ARHGAP15: variants seen among roughly 807,000 people sequenced by gnomAD.
ARHGAP15 encodes the protein Rho GTPase activating protein 15, also known as rho GTPase-activating protein 15.
A neutral mutation model predicts 63.7 loss-of-function variants in ARHGAP15; 51 were observed. That is an observed-to-expected ratio of 0.80 (90% confidence interval 0.64 to 1.01). ARHGAP15 has a LOEUF of 1.01. Ranked by LOEUF, ARHGAP15 falls within the 50% of genes least tolerant of loss-of-function variation. The pLI, the probability that ARHGAP15 is intolerant of heterozygous loss-of-function variation, is 0.00. For missense variants in ARHGAP15, 560 were observed against 564.6 expected, an observed-to-expected ratio of 0.99 and a Z score of 0.08; for synonymous variants, 191 against 193.8, an observed-to-expected ratio of 0.99 and a Z score of 0.12.
chr2:143,726,436 A>C (rs942699632), intron 13 of ARHGAP15, among the ~76,000 whole-genome samples: 5 of 149,542 alleles, frequency 3.3e-5, no homozygotes, highest in African/African-American at 1.2e-4. Flanking sequence ...AAAAAAAAAG[A>C]AAAAAAAAAG....
intron 13 of ARHGAP15, among the ~76,000 whole-genome samples, chr2:143,732,345 C>A (rs1685572386): frequency 6.6e-6 from 1 of 152,142 alleles, no homozygotes; most frequent in African/African-American, 2.4e-5. Context: ...CTACCTTCAT[C>A]CCTTATTTTT....
At chr2:143,639,541 T>A (rs1158150377) in intron 12 of ARHGAP15, among the ~76,000 whole-genome samples, 1 of 152,124 alleles carries the variant, frequency 6.6e-6, no homozygotes. Context: ...CTGTGCAAAA[T>A]GCATCACTAG....
chr2:143,525,091 C>T (rs1040443817), intron 10 of ARHGAP15, among the ~76,000 whole-genome samples: 1 of 152,172 alleles, frequency 6.6e-6, no homozygotes, highest in Non-Finnish European at 1.5e-5. Flanking sequence ...CTTCCCTAGA[C>T]AAGCTCTGCT....
intron 2 of ARHGAP15, among the ~76,000 whole-genome samples, chr2:143,201,287 A>T (rs942862443): frequency 2.0e-5 from 3 of 150,772 alleles, no homozygotes; most frequent in Non-Finnish European, 3.0e-5. Context: ...CTAGCTAATT[A>T]AAAAAAAATT....
chr2:143,487,678 A>C (rs1181542304), intron 9 of ARHGAP15, among the ~76,000 whole-genome samples, 183 bp downstream of exon 9: 1 of 152,250 alleles, frequency 6.6e-6, no homozygotes, highest in Non-Finnish European at 1.5e-5. Flanking sequence ...GAGAAAATAA[A>C]GGAGGTATCA....
chr2:143,730,117 A>C (rs1049710424), intron 13 of ARHGAP15, among the ~76,000 whole-genome samples: 4 of 152,222 alleles, frequency 2.6e-5, no homozygotes, highest in African/African-American at 9.6e-5. Flanking sequence ...CCATATATAG[A>C]AAGCTACTTT....
At chr2:143,356,904 C>A (rs1358550691) in intron 6 of ARHGAP15, among the ~76,000 whole-genome samples, 1 of 152,172 alleles carries the variant, frequency 6.6e-6, no homozygotes, top group African/African-American at 2.4e-5. Context: ...TCAACTCCTA[C>A]CCCTGACACG....
At chr2:143,358,040 A>T (rs1362149844) in intron 6 of ARHGAP15, among the ~76,000 whole-genome samples, 2 of 152,220 alleles carry the variant, frequency 1.3e-5, no homozygotes, top group African/African-American at 2.4e-5. Flanking sequence ...TGGACTACTT[A>T]GACCTAATCA....
At chr2:143,158,222 C>T (rs1193839706) in intron 2 of ARHGAP15, among the ~76,000 whole-genome samples, 4 of 151,948 alleles carry the variant, frequency 2.6e-5, no homozygotes, top group East Asian at 1.9e-4. Flanking sequence ...AAATTCCTCT[C>T]GTAAATTTTG....
Position 143,540,933 on chromosome 2 carries a change from G to A in ARHGAP15, c.926-15475G>A, listed in dbSNP as rs1035253236. On this transcript the variant is annotated intron_variant, in intron 10 of 13. Coordinates refer to ENST00000295095, the MANE Select transcript of ARHGAP15 (RefSeq NM_018460.4). Reference sequence around the variant, plus strand: ...ATTTGAATGTTGGCCTGCCTTGCTAGATTGGGGAAGTTCTCCTGGATAATA... The same window carrying A: ...ATTTGAATGTTGGCCTGCCTTGCTAAATTGGGGAAGTTCTCCTGGATAATA... Among the ~76,000 whole-genome samples, 22 of 152,314 alleles carry A rather than the reference G, an allele frequency of 1.4e-4. 1 individual carries two copies. The highest frequency in any genetic ancestry group is 2.6e-4 in the Non-Finnish European group (18 of 68,032).
chr2:143,411,014 G>A (rs971697043), intron 6 of ARHGAP15, among the ~76,000 whole-genome samples: 11 of 152,076 alleles, frequency 7.2e-5, no homozygotes, highest in African/African-American at 2.7e-4. Flanking sequence ...GAACCAGCCT[G>A]ACCAACATGG....
At chr2:143,319,339 C>T (rs1404613730) in intron 6 of ARHGAP15, among the ~76,000 whole-genome samples, 1 of 151,848 alleles carries the variant, frequency 6.6e-6, no homozygotes, top group African/African-American at 2.4e-5. Context: ...ATTCTCCCAC[C>T]TCAGCCTCCC....
At chr2:143,251,096 A>C (rs1469872516) in intron 6 of ARHGAP15, among the ~76,000 whole-genome samples, 1 of 152,070 alleles carries the variant, frequency 6.6e-6, no homozygotes, top group Admixed American at 6.6e-5. Flanking sequence ...TTTTGAAAAA[A>C]AAAGTTGATT....
chr2:143,408,542 G>T (rs1246907694), intron 6 of ARHGAP15, among the ~76,000 whole-genome samples: 1 of 151,610 alleles, frequency 6.6e-6, no homozygotes, highest in Non-Finnish European at 1.5e-5. Context: ...TGCTGTCTTA[G>T]AACTCCCCCA....
chr2:143,144,914 C>T (rs192156826), intron 1 of ARHGAP15, among the ~76,000 whole-genome samples: 63 of 152,170 alleles, frequency 4.1e-4, no homozygotes, highest in African/African-American at 1.4e-3. Context: ...GAATAACTTA[C>T]ATAAACCTTT....
chr2:143,581,491 G>C (rs1696902252), intron 11 of ARHGAP15, among the ~76,000 whole-genome samples: 1 of 152,082 alleles, frequency 6.6e-6, no homozygotes, highest in Non-Finnish European at 1.5e-5. Context: ...TTCCCAGGGA[G>C]AGGCAACCTC....
chr2:143,442,331 T>G (rs531879633), intron 8 of ARHGAP15, among the ~76,000 whole-genome samples: 1 of 152,272 alleles, frequency 6.6e-6, no homozygotes, highest in South Asian at 2.1e-4. Flanking sequence ...CAATGTTGTT[T>G]CTAGGGAACA....
chr2:143,332,518 T>C (rs376633417), intron 6 of ARHGAP15, among the ~76,000 whole-genome samples: 3 of 152,288 alleles, frequency 2.0e-5, no homozygotes, highest in African/African-American at 7.2e-5. Flanking sequence ...TAACAAGACA[T>C]TGAAATAAAC....
chr2:143,756,673 T>C (rs1468880395), intron 13 of ARHGAP15, among the ~76,000 whole-genome samples: 2 of 152,172 alleles, frequency 1.3e-5, no homozygotes, highest in East Asian at 3.8e-4. Context: ...AAATAATCAT[T>C]GTGCTAATAG....
Sources: gnomAD v4.1 joint callset for allele counts (sites outside exome capture counted in the v4.1 genomes callset) on GRCh38, gnomAD v4.1.1 for gene constraint, MANE v1.5 for transcripts, NCBI Gene and HGNC (gene_info 2026-07-23, HGNC 2026-07-21) for gene names.